KIF17: variants seen among roughly 807,000 people sequenced by gnomAD.
KIF17 encodes kinesin-like protein KIF17.
A neutral mutation model predicts 96.8 loss-of-function variants in KIF17; 80 were observed. That is an observed-to-expected ratio of 0.83 (90% CI 0.69 to 1.00). KIF17 has a LOEUF of 1.00. Among genes scored for constraint, KIF17 ranks in the 50% least tolerant of loss-of-function variants. The pLI, the probability that KIF17 is intolerant of heterozygous loss-of-function variation, is 0.00. For synonymous variants in KIF17, 567 were observed against 587.5 expected, an observed-to-expected ratio of 0.97 and a Z score of 0.51; for missense variants, 1,280 against 1,372.9, an observed-to-expected ratio of 0.93 and a Z score of 1.07.
chr1:20,703,794 G>C (rs1173254406), intron 5 of KIF17, among the ~76,000 whole-genome samples: 2 of 152,194 alleles, frequency 1.3e-5, no homozygotes, highest in Non-Finnish European at 1.5e-5. Flanking sequence ...TCTGAGATAA[G>C]AAAATCTTAA....
rs1277527433 is a variant in KIF17, at chr1:20,717,918, C to T, written c.-212G>A. 4.9e-6 allele frequency: 1 copy of T among 204,508 alleles called. No homozygotes were observed. The highest frequency in any genetic ancestry group is 9.1e-6 in the Non-Finnish European group (1 of 110,032). 12.7% of individuals were successfully genotyped at this position (204,508 alleles called of 1,614,324 possible). On this transcript the variant is annotated 5_prime_UTR_variant, in exon 1 of 15. Transcript: ENST00000400463. The stretch of plus-strand genomic sequence containing the variant: ...ACCCGAGCCGGGGCCGCCGCTTCCT[C>T]CCGCGCCCGGGCTCGCCCGTTTCTG...
Position 20,672,398 on chromosome 1 carries a change from TC to T in KIF17, c.2464-203del, listed in dbSNP as rs1431694248. The stretch of plus-strand genomic sequence containing the variant: ...ACCTCCTCTCACACCCACTGATCCT[TC>T]CGTCTATCCAATCACCCTGCTGTCT... On this transcript the variant is annotated intron_variant, in intron 11 of 14. Transcript: ENST00000400463. This position sits in a 1 kb window ranked among gnomAD's most constrained non-coding sequence, Gnocchi z 4.3. Among the ~76,000 whole-genome samples the T allele has an allele frequency of 6.6e-5, 10 of 152,186 alleles. 1 individual carries two copies. Among genetic ancestry groups the T allele is most frequent in the Admixed American group, 5.9e-4 (9 of 15,276 alleles).
At position 20,685,249 on chromosome 1, in the gene KIF17, C is replaced by T; in HGVS notation, c.2020-229G>A. The T allele has an allele frequency of 2.9e-6, 2 of 685,918 alleles. No homozygotes were observed. Among genetic ancestry groups the T allele is most frequent in the Non-Finnish European group, 5.3e-6 (2 of 374,062 alleles). 42.5% of individuals were successfully genotyped at this position (685,918 alleles called of 1,614,324 possible). ...GAGGAAGGCTCCCAGCTTCCTCTCT[C>T]ACCTCCCACAATCCAGTCTCCACAG... is the stretch of plus-strand genomic sequence containing the variant. On this transcript the variant is annotated intron_variant, in intron 9 of 14. Coordinates refer to ENST00000400463, the MANE Select transcript of KIF17 (RefSeq NM_001122819.3). The surrounding 1 kb of genome is among the most constrained non-coding windows in gnomAD (Gnocchi z 4.1).
intron 6 of KIF17, chr1:20,693,776 G>A (rs1261579032): frequency 6.6e-6 from 1 of 152,198 alleles, no homozygotes; most frequent in Non-Finnish European, 1.5e-5. Context: ...AGACAGCCAA[G>A]GGCAGGACAC....
intron 11 of KIF17, among the ~76,000 whole-genome samples, chr1:20,681,847 C>A (rs753296892): frequency 3.9e-5 from 6 of 152,200 alleles, no homozygotes; most frequent in Non-Finnish European, 8.8e-5. Flanking sequence ...AGGAGAATGT[C>A]CCTGTCCCCC....
At chr1:20,681,787 C>T (rs1311502899) in intron 11 of KIF17, among the ~76,000 whole-genome samples, 1 of 152,142 alleles carries the variant, frequency 6.6e-6, no homozygotes, top group Non-Finnish European at 1.5e-5. Flanking sequence ...CCTCCTCATG[C>T]CACCCAGCAC....
chr1:20,669,900 A>C (rs1277420111), intron 13 of KIF17, among the ~76,000 whole-genome samples: 3 of 145,624 alleles, frequency 2.1e-5, no homozygotes, highest in Admixed American at 1.4e-4. Context: ...AAAAAAAAAA[A>C]AAAACAACCA....
In KIF17 at chr1:20,686,089, G is replaced by T. The variant is rs1238580943; in HGVS notation, c.1976C>A (p.Ala659Asp). 3.8e-6 allele frequency: 6 copies of T among 1,566,330 alleles called. No individual in the cohort carries two copies. The highest frequency in any genetic ancestry group is 5.2e-6 in the Non-Finnish European group (6 of 1,155,230). The change falls in exon 9 of 15, where the codon GCC (alanine) becomes GAC (aspartate). Residue 659 changes from alanine to aspartate, a missense_variant. Coordinates refer to ENST00000400463, the MANE Select transcript of KIF17 (RefSeq NM_001122819.3). ...APTDLLEPSD[A>D]RPEAEAADDF... Reference sequence around the variant, plus strand: ...ATCAGCCGCCTCGGCTTCGGGCCTGGCATCACTGGGCTCCAGCAGGTCTGT... The same window carrying T: ...ATCAGCCGCCTCGGCTTCGGGCCTGTCATCACTGGGCTCCAGCAGGTCTGT...
intron 11 of KIF17, among the ~76,000 whole-genome samples, chr1:20,680,721 A>G (rs2053815034): frequency 6.6e-6 from 1 of 152,228 alleles, no homozygotes; most frequent in African/African-American, 2.4e-5. Flanking sequence ...ATAGGACATC[A>G]ATGAAAAGAA....
In KIF17 at chr1:20,686,055, C is replaced by G. The variant is rs377589677; in HGVS notation, c.2010G>C (p.Pro670=). The part of the protein sequence containing the change: ...RPEAEAADDF[P]PRPEVDLASE... ...CCGGGGAGGTACTCACAGGCCTGGG[C>G]GGGAAGTCATCAGCCGCCTCGGCTT... Residue 670 remains proline (P), a synonymous_variant, in exon 9 of 15, where the codon CCG becomes CCC. Transcript: ENST00000400463. 1 of 1,556,514 alleles carries G rather than the reference C, an allele frequency of 6.4e-7. No homozygotes were observed.
downstream of KIF17, among the ~76,000 whole-genome samples, chr1:20,662,434 A>C (rs2053449990): frequency 6.6e-6 from 1 of 152,170 alleles, no homozygotes; most frequent in Non-Finnish European, 1.5e-5. Context: ...CTTGTCCACC[A>C]ACCCAAGAAT....
chr1:20,712,192 G>A (rs137866619), intron 3 of KIF17, among the ~76,000 whole-genome samples: 8 of 152,226 alleles, frequency 5.3e-5, no homozygotes, highest in Non-Finnish European at 8.8e-5. Context: ...GCTCCCTGCT[G>A]CTCCAGTGCG....
In KIF17 at chr1:20,687,261, C is replaced by G. The variant is rs980704582; in HGVS notation, c.1938+127G>C. 3.5e-5 allele frequency: 37 copies of G among 1,068,330 alleles called. No individual in the cohort carries two copies. Among genetic ancestry groups the G allele is most frequent in the Non-Finnish European group, 5.3e-5 (37 of 699,104 alleles). The allele number at this position is 1,068,330 out of a possible 1,614,324, so 66.2% of individuals were successfully genotyped here. ...CCACCAGTGCCAGAGCCGCAGCAGA[C>G]ACAGTGGAGCCACGGCCTGAGTGTC... On this transcript the variant is annotated intron_variant, in intron 8 of 14. Transcript: ENST00000400463. This position sits in a 1 kb window ranked among gnomAD's most constrained non-coding sequence, Gnocchi z 4.4.
At chr1:20,686,869 C>CAT (rs1261577296) in intron 8 of KIF17, among the ~76,000 whole-genome samples, 1 of 151,724 alleles carries the variant, frequency 6.6e-6, no homozygotes, top group African/African-American at 2.4e-5. Flanking sequence ...CCAAGAGGAA[C>CAT]ATTGTTTTAA....
intron 13 of KIF17, among the ~76,000 whole-genome samples, chr1:20,666,849 CCTT>C (rs1364420550): frequency 6.6e-6 from 1 of 152,156 alleles, no homozygotes; most frequent in Admixed American, 6.5e-5. Context: ...AGGGAATTGT[CCTT>C]CTTCCACTTG....
rs768053338 is a variant in KIF17 at position 20,717,476 on chromosome 1, C to A, written c.231G>T (p.Glu77Asp). Reference sequence around the variant, plus strand: ...AGGGCGGCCTGCCGGGCGCCCTCACCTCCACCAGCGGATAGGCGATCTCGT... The same window carrying A: ...AGGGCGGCCTGCCGGGCGCCCTCACATCCACCAGCGGATAGGCGATCTCGT... ...IYNEIAYPLVEGVTEGYNGTI... is the reference protein window; with the variant it reads ...IYNEIAYPLVDGVTEGYNGTI... The change falls in exon 1 of 15, where the codon GAG becomes GAT. Residue 77 changes from glutamate to aspartate, a missense_variant and splice_region_variant. Transcript: ENST00000400463. 11 of 1,610,932 alleles carry A rather than the reference C, an allele frequency of 6.8e-6. No individual in the cohort carries two copies. The highest frequency in any genetic ancestry group is 1.1e-5 in the South Asian group (1 of 91,086).
intron 13 of KIF17, among the ~76,000 whole-genome samples, chr1:20,667,005 C>T (rs1287235832): frequency 6.6e-6 from 1 of 152,186 alleles, no homozygotes; most frequent in African/African-American, 2.4e-5. Flanking sequence ...CAAGAGTAGA[C>T]ACATGACCCA....
intron 2 of KIF17, among the ~76,000 whole-genome samples, chr1:20,714,009 A>T (rs1446566996): frequency 6.6e-6 from 1 of 152,118 alleles, no homozygotes; most frequent in African/African-American, 2.4e-5. Flanking sequence ...CAACAAGGTG[A>T]AACCCCCGTC....
chr1:20,668,622 T>G (rs1384704968), intron 13 of KIF17, among the ~76,000 whole-genome samples: 1 of 152,216 alleles, frequency 6.6e-6, no homozygotes. Flanking sequence ...TTGGAATTCA[T>G]TAGCCTAGGA....
Sources: gnomAD v4.1 joint callset for allele counts (sites outside exome capture counted in the v4.1 genomes callset) on GRCh38, gnomAD v4.1.1 for gene constraint, Gnocchi (gnomAD v3.1) non-coding constraint, MANE v1.5 for transcripts, NCBI Gene and HGNC (gene_info 2026-07-23, HGNC 2026-07-21) for gene names.